Variants in TRPC4 observed in about 807,000 individuals in gnomAD.
TRPC4 encodes the protein transient receptor potential cation channel subfamily C member 4.
In TRPC4, 49 loss-of-function variants were observed where a neutral mutation model predicts 99.4. The ratio of observed to expected loss-of-function variants is 0.49; its 90% CI spans 0.39 to 0.63. The LOEUF (loss-of-function observed/expected upper bound fraction) is 0.63, where lower values mean the gene tolerates loss of function less well. Among genes scored for constraint, TRPC4 ranks in the 20% least tolerant of loss-of-function variants. The probability of loss-of-function intolerance (pLI) is 0.00; values close to 1 mark genes in which losing one functional copy is unlikely to be tolerated. For missense variants in TRPC4, 898 were observed against 1,152.9 expected (o/e 0.78, Z 3.20); for synonymous variants, 454 against 425.9 (o/e 1.07, Z -0.81).
chr13:37,704,366 G>A (rs375488847), intron 3 of TRPC4, among the ~76,000 whole-genome samples: 1 of 152,128 alleles, frequency 6.6e-6, no homozygotes, highest in African/African-American at 2.4e-5. Context: ...TTAATTGTAT[G>A]TCAATTTTCC....
At chr13:37,731,031 C>T (rs1200523920) in intron 3 of TRPC4, among the ~76,000 whole-genome samples, 4 of 151,712 alleles carry the variant, frequency 2.6e-5, no homozygotes, top group African/African-American at 9.7e-5. Flanking sequence ...GGGGTCTATT[C>T]TGAAGTTCTG....
At chr13:37,706,360 C>A (rs1954277525) in intron 3 of TRPC4, among the ~76,000 whole-genome samples, 1 of 152,154 alleles carries the variant, frequency 6.6e-6, no homozygotes, top group South Asian at 2.1e-4. Context: ...GCTTCCTCTG[C>A]CTCTTCTTAA....
rs1951462626 is a variant in TRPC4 at position 37,634,538 on chromosome 13, C to A, written c.*2365G>T. Among the ~76,000 whole-genome samples the A allele has an allele frequency of 6.6e-6, 1 of 152,036 alleles. No individual in the cohort carries two copies. Among genetic ancestry groups the A allele is most frequent in the Middle Eastern group, 3.4e-3 (1 of 294 alleles). ...CATGTCCCCCTATAAAATGTCAGCA[C>A]CTTAACCCCTGATATAAATAAGCTA... is the stretch of plus-strand genomic sequence containing the variant. On this transcript the variant is annotated 3_prime_UTR_variant, in exon 11 of 11. Coordinates refer to ENST00000379705, the MANE Select transcript of TRPC4 (RefSeq NM_016179.4).
intron 5 of TRPC4, among the ~76,000 whole-genome samples, chr13:37,667,369 C>T (rs947464655): frequency 2.6e-5 from 4 of 152,176 alleles, no homozygotes; most frequent in Non-Finnish European, 4.4e-5. Flanking sequence ...TACAGTGCCG[C>T]AATCTCGGCT....
intron 5 of TRPC4, among the ~76,000 whole-genome samples, chr13:37,665,840 C>CAA (rs1168472231): frequency 0.012 from 811 of 70,320 alleles, 16 homozygotes; most frequent in Non-Finnish European, 0.014. Flanking sequence ...TCAGCTGAGA[C>CAA]AAAAAAAAAA....
rs560540701 is a variant in TRPC4, at chr13:37,635,830, A to G, written c.*1073T>C. Among the ~76,000 whole-genome samples, 1 of 152,252 alleles carries G rather than the reference A, an allele frequency of 6.6e-6. No homozygotes were observed. Among genetic ancestry groups the G allele is most frequent in the South Asian group, 2.1e-4 (1 of 4,834 alleles). ...ATGTTTTTCCTATAGGCAAAACTAT[A>G]TATCTATATCTGCTGATAAAATTAA... On this transcript the variant is annotated 3_prime_UTR_variant, in exon 11 of 11. Transcript: ENST00000379705.
intron 2 of TRPC4, among the ~76,000 whole-genome samples, chr13:37,773,004 A>G (rs766749660): frequency 4.6e-5 from 7 of 151,750 alleles, no homozygotes; most frequent in Non-Finnish European, 7.4e-5. Flanking sequence ...CAACAATCTA[A>G]GAGGAATTGA....
In TRPC4 at chr13:37,746,069, T is replaced by C. The variant is rs2139163742; in HGVS notation, c.765A>G (p.Leu255=). 6.2e-7 allele frequency: 1 copy of C among 1,613,982 alleles called. No individual in the cohort carries two copies. The highest frequency in any genetic ancestry group is 8.5e-7 in the Non-Finnish European group (1 of 1,179,890). Residue 255 remains leucine, a synonymous_variant, in exon 3 of 11, where the codon CTA becomes CTG. Transcript: ENST00000379705. ...SRQCKQFAKD[L]LDQTRSSREL... ...CTCTGGAACTTCTCGTCTGATCCAG[T>C]AGGTCCTTAGCAAATTGTTTGCACT...
chr13:37,750,566 G>A (rs1257154269), intron 2 of TRPC4, among the ~76,000 whole-genome samples: 2 of 152,032 alleles, frequency 1.3e-5, no homozygotes, highest in Non-Finnish European at 1.5e-5. Flanking sequence ...ATATTAATAA[G>A]TTTCGGAATA....
At chr13:37,830,398 T>G (rs942599793) in intron 1 of TRPC4, among the ~76,000 whole-genome samples, 1 of 152,078 alleles carries the variant, frequency 6.6e-6, no homozygotes, top group Non-Finnish European at 1.5e-5. Flanking sequence ...TATTTAATAT[T>G]ATTTAAATTC....
chr13:37,822,670 T>C (rs1958051140), intron 1 of TRPC4, among the ~76,000 whole-genome samples: 2 of 152,074 alleles, frequency 1.3e-5, no homozygotes, highest in Admixed American at 1.3e-4. Context: ...CAGTCTATCA[T>C]TGTTGGACAT....
chr13:37,809,564 A>G (rs1957620086), intron 1 of TRPC4, among the ~76,000 whole-genome samples: 3 of 152,014 alleles, frequency 2.0e-5, no homozygotes, highest in Admixed American at 1.3e-4. Context: ...AGATGACAGG[A>G]AAAATAACAT....
intron 1 of TRPC4, among the ~76,000 whole-genome samples, chr13:37,846,791 A>G (rs956398029): frequency 3.3e-5 from 5 of 152,120 alleles, no homozygotes; most frequent in African/African-American, 1.2e-4. Flanking sequence ...AAAAAACAAG[A>G]TCCAACCATA....
At chr13:37,704,501 A>G (rs1444496081) in intron 3 of TRPC4, among the ~76,000 whole-genome samples, 1 of 152,140 alleles carries the variant, frequency 6.6e-6, no homozygotes, top group Non-Finnish European at 1.5e-5. Flanking sequence ...AGCCTGGCCA[A>G]TATGGTGAGA....
intron 8 of TRPC4, among the ~76,000 whole-genome samples, chr13:37,646,066 G>A (rs1384379064): frequency 6.6e-6 from 1 of 152,220 alleles, no homozygotes; most frequent in East Asian, 1.9e-4. Flanking sequence ...TATAAATGAA[G>A]TCTGAGAGGC....
At chr13:37,798,708 T>C (rs1957317273) in intron 1 of TRPC4, among the ~76,000 whole-genome samples, 1 of 152,182 alleles carries the variant, frequency 6.6e-6, no homozygotes, top group Non-Finnish European at 1.5e-5. Flanking sequence ...TCTCATTACG[T>C]ATTCTCATTA....
intron 3 of TRPC4, among the ~76,000 whole-genome samples, chr13:37,737,927 G>T (rs1955450379): frequency 6.6e-6 from 1 of 152,132 alleles, no homozygotes. Context: ...TATTAGGAAT[G>T]GAAAGGTTTT....
At chr13:37,683,071 T>G (rs922258190) in intron 4 of TRPC4, among the ~76,000 whole-genome samples, 2 of 151,922 alleles carry the variant, frequency 1.3e-5, no homozygotes, top group Admixed American at 1.3e-4. Context: ...GCCAGGACAG[T>G]GCAGTTTTTG....
chr13:37,707,168 T>C (rs1231751404), intron 3 of TRPC4, among the ~76,000 whole-genome samples: 2 of 152,160 alleles, frequency 1.3e-5, no homozygotes, highest in Non-Finnish European at 2.9e-5. Flanking sequence ...ATAAGAACTA[T>C]CATTTTTATA....
Sources: gnomAD v4.1 joint callset for allele counts (sites outside exome capture counted in the v4.1 genomes callset) on GRCh38, gnomAD v4.1.1 for gene constraint, MANE v1.5 for transcripts, NCBI Gene and HGNC (gene_info 2026-07-23, HGNC 2026-07-21) for gene names.